The following PRELID2 variants were observed in gnomAD, a reference collection of about 807,000 sequenced individuals.
The protein encoded by PRELID2 is PRELI domain-containing protein 2.
In PRELID2, 25 loss-of-function variants were observed where a neutral mutation model predicts 28.4. The observed-to-expected ratio is 0.88, with a 90% CI of 0.64 to 1.23. The LOEUF (loss-of-function observed/expected upper bound fraction) is 1.23. Among genes scored for constraint, PRELID2 ranks in the 50% most tolerant of loss-of-function variants. The probability of loss-of-function intolerance (pLI) is 0.00; values close to 1 mark genes in which losing one functional copy is unlikely to be tolerated. For synonymous variants in PRELID2, 76 were observed against 71.6 expected, an observed-to-expected ratio of 1.06 and a Z score of -0.31; for missense variants, 201 against 214.4, an observed-to-expected ratio of 0.94 and a Z score of 0.39.
the PRELID2 span, among the ~76,000 whole-genome samples, chr5:145,372,477 G>T: frequency 5.3e-5 from 8 of 152,150 alleles, no homozygotes; most frequent in Admixed American, 3.9e-4. Context: ...TTGTGTGGGA[G>T]TCTAAGTCTC....
intron 1 of PRELID2, among the ~76,000 whole-genome samples, chr5:145,488,048 C>T (rs1412935958): frequency 5.7e-5 from 8 of 139,534 alleles, no homozygotes; most frequent in Admixed American, 7.9e-5. Context: ...CGCTTGAACC[C>T]GGGAGGGAGA....
intron 1 of PRELID2, among the ~76,000 whole-genome samples, chr5:145,695,072 A>G (rs1026640811): frequency 2.6e-5 from 4 of 152,210 alleles, no homozygotes; most frequent in African/African-American, 9.6e-5. Context: ...CTTACTTTGC[A>G]AAGTATAAAA....
rs138563357 is a variant in PRELID2, at chr5:145,564,716, C to T, written n.71-91401G>A. ...ACCACTGTGAAACCCCAGTGCCCAG[C>T]ATTTAGAATGCATTGAATAAATATT... On this transcript the variant is annotated intron_variant and non_coding_transcript_variant, in intron 1 of 2. Transcript: ENST00000510259. 1.2e-3 allele frequency among the ~76,000 whole-genome samples: 189 copies of T among 152,318 alleles called. 4 individuals carry two copies. The East Asian group carries it at 0.027, about 22-fold the overall frequency.
At chr5:145,701,761 T>C (rs563646132) in intron 1 of PRELID2, among the ~76,000 whole-genome samples, 236 of 152,278 alleles carry the variant, frequency 1.5e-3, no homozygotes, top group African/African-American at 5.4e-3. Context: ...TTATAAAATA[T>C]ACATTGAAGG....
the PRELID2 span, among the ~76,000 whole-genome samples, chr5:145,385,742 G>T: frequency 6.6e-6 from 1 of 152,080 alleles, no homozygotes; most frequent in African/African-American, 2.4e-5. Context: ...ATGTTCTTTA[G>T]AAGTGGACTT....
the PRELID2 span, among the ~76,000 whole-genome samples, chr5:145,370,556 GA>G: frequency 6.6e-6 from 1 of 152,114 alleles, no homozygotes. Context: ...CAGGTAGCAT[GA>G]TACCTCCAGC....
At chr5:145,494,058 T>A (rs1332354746) in intron 1 of PRELID2, among the ~76,000 whole-genome samples, 1 of 152,190 alleles carries the variant, frequency 6.6e-6, no homozygotes, top group Non-Finnish European at 1.5e-5. Context: ...ACACTGTGCA[T>A]AACATTTTAC....
chr5:145,567,326 A>T (rs1223985949), intron 1 of PRELID2, among the ~76,000 whole-genome samples: 2 of 143,500 alleles, frequency 1.4e-5, no homozygotes, highest in East Asian at 3.9e-4. Flanking sequence ...CATGACAGTG[A>T]GTTATCATGA....
At chr5:145,724,350 T>C (rs1756070994) in intron 1 of PRELID2, among the ~76,000 whole-genome samples, 1 of 150,862 alleles carries the variant, frequency 6.6e-6, no homozygotes, top group Admixed American at 6.6e-5. Context: ...GTTAAAGACA[T>C]GAAAAATAAA....
At chr5:145,491,715 C>A (rs945084958) in intron 1 of PRELID2, among the ~76,000 whole-genome samples, 8 of 151,854 alleles carry the variant, frequency 5.3e-5, no homozygotes, top group Admixed American at 2.6e-4. Context: ...CCCAGTACCC[C>A]CTGACCCTGG....
the PRELID2 span, among the ~76,000 whole-genome samples, chr5:145,393,290 T>G: frequency 6.6e-6 from 1 of 152,224 alleles, no homozygotes; most frequent in Middle Eastern, 3.4e-3. Context: ...CCAAATGTCA[T>G]GCTCTTCAGG....
chr5:145,481,650 A>AAAAAAG (rs1752162758), intron 1 of PRELID2, among the ~76,000 whole-genome samples: 1 of 117,850 alleles, frequency 8.5e-6, no homozygotes, highest in African/African-American at 3.3e-5. Flanking sequence ...AAAAAAAAAA[A>AAAAAAG]AAAGAAAGAA....
intron 4 of PRELID2, among the ~76,000 whole-genome samples, chr5:145,810,212 T>C (rs1407583957): frequency 6.6e-6 from 1 of 152,222 alleles, no homozygotes; most frequent in Non-Finnish European, 1.5e-5. Context: ...TTTAATTTTT[T>C]CCTCTTTTCA....
chr5:145,292,968 G>A, the PRELID2 span, among the ~76,000 whole-genome samples: 2 of 151,934 alleles, frequency 1.3e-5, no homozygotes, highest in Non-Finnish European at 2.9e-5. Context: ...TGATCCTTCT[G>A]CCTCAACCTT....
At chr5:145,526,531 G>T (rs1752606620) in intron 1 of PRELID2, among the ~76,000 whole-genome samples, 1 of 152,156 alleles carries the variant, frequency 6.6e-6, no homozygotes, top group African/African-American at 2.4e-5. Flanking sequence ...GCTAAGATGG[G>T]ACTTGGTCTG....
the PRELID2 span, among the ~76,000 whole-genome samples, chr5:145,453,282 G>A: frequency 6.6e-6 from 1 of 152,120 alleles, no homozygotes; most frequent in African/African-American, 2.4e-5. Context: ...CAGGAGGAAG[G>A]TGTTGGCAAA....
the PRELID2 span, among the ~76,000 whole-genome samples, chr5:145,420,443 T>C: frequency 6.7e-6 from 1 of 150,344 alleles, no homozygotes; most frequent in African/African-American, 2.4e-5. Flanking sequence ...GAAGAGGTCC[T>C]TCACATCCCT....
chr5:145,835,223 ACCT>A lies in PRELID2; in HGVS notation c.26_28del (p.Gln9_Val10delinsLeu). 6.5e-7 allele frequency: 1 copy of A among 1,549,862 alleles called. No homozygotes were observed. ...CACCTGCTCGAAGGGGTACTTGTACACCTGGTGCACATCCACCGAGACCCCCAT... is the reference window on the plus strand; with the variant it reads ...CACCTGCTCGAAGGGGTACTTGTACAGGTGCACATCCACCGAGACCCCCAT... On this transcript the variant is annotated inframe_deletion, in exon 1 of 7. Transcript: ENST00000683046.
intron 1 of PRELID2, among the ~76,000 whole-genome samples, chr5:145,655,078 A>G (rs1754369836): frequency 6.6e-6 from 1 of 151,804 alleles, no homozygotes; most frequent in Admixed American, 6.6e-5. Context: ...AATGTGCAAA[A>G]ATCACAAGCA....
Sources: gnomAD v4.1 joint callset for allele counts (sites outside exome capture counted in the v4.1 genomes callset) on GRCh38, gnomAD v4.1.1 for gene constraint, MANE v1.5 for transcripts, NCBI Gene and HGNC (gene_info 2026-07-23, HGNC 2026-07-21) for gene names.